RNF212: variants seen among roughly 807,000 people sequenced by gnomAD.
RNF212 encodes probable E3 SUMO-protein ligase RNF212.
A neutral mutation model predicts 34.7 loss-of-function variants in RNF212; 33 were observed. The observed-to-expected ratio is 0.95, with a 90% CI of 0.72 to 1.27. RNF212 has a LOEUF of 1.27. Among genes scored for constraint, RNF212 ranks in the 50% most tolerant of loss-of-function variants. The pLI is 0.00. For synonymous variants in RNF212, 140 were observed against 136.1 expected, an observed-to-expected ratio of 1.03 and a Z score of -0.20; for missense variants, 377 against 362.2, an observed-to-expected ratio of 1.04 and a Z score of -0.33.
At chr4:1,082,487 G>A (rs1010741322) in intron 5 of RNF212, among the ~76,000 whole-genome samples, 5 of 152,206 alleles carry the variant, frequency 3.3e-5, no homozygotes, top group African/African-American at 1.2e-4. Context: ...TTTGAGATAC[G>A]AACAGTCTGC....
intron 3 of RNF212, among the ~76,000 whole-genome samples, chr4:1,094,713 G>GA (rs1056604340): frequency 3.3e-5 from 5 of 152,168 alleles, no homozygotes; most frequent in African/African-American, 1.2e-4. Flanking sequence ...GTGACTGTCA[G>GA]GGAAGGACAG....
intron 8 of RNF212, among the ~76,000 whole-genome samples, chr4:1,075,637 C>A (rs1719174314): frequency 6.6e-6 from 1 of 152,224 alleles, no homozygotes; most frequent in Non-Finnish European, 1.5e-5. Flanking sequence ...CGGGCAGGGA[C>A]AAATATCTAA....
intron 5 of RNF212, among the ~76,000 whole-genome samples, chr4:1,082,842 C>T (rs987804575): frequency 6.6e-6 from 1 of 152,224 alleles, no homozygotes; most frequent in Non-Finnish European, 1.5e-5. Context: ...GTACCTGAGC[C>T]TTCTGCGTCT....
intron 3 of RNF212, among the ~76,000 whole-genome samples, chr4:1,092,221 C>T (rs1234973495): frequency 2.0e-5 from 3 of 152,200 alleles, no homozygotes; most frequent in Non-Finnish European, 1.5e-5. Context: ...CCTGGTCTGG[C>T]TGTTCTTAGA....
intron 2 of RNF212, chr4:1,100,300 A>G: frequency 4.5e-6 from 1 of 224,186 alleles, no homozygotes; most frequent in Non-Finnish European, 8.9e-6. Context: ...CATTCCAACA[A>G]CACTGAATTT....
At chr4:1,077,110 C>G (rs1553802391) in intron 8 of RNF212, among the ~76,000 whole-genome samples, 1 of 152,132 alleles carries the variant, frequency 6.6e-6, no homozygotes, top group Non-Finnish European at 1.5e-5. Flanking sequence ...TGCCTGTAGT[C>G]CCAGCTACTC....
At chr4:1,068,415 CTG>C (rs1414982256), downstream of RNF212, among the ~76,000 whole-genome samples, 1 of 152,198 alleles carries the variant, frequency 6.6e-6, no homozygotes. Flanking sequence ...GATTTTTCAG[CTG>C]TGTTTTTAGA....
At chr4:1,081,382 C>G in intron 7 of RNF212, 37 bp downstream of exon 7, 5 of 1,591,952 alleles carry the variant, frequency 3.1e-6, no homozygotes, top group Non-Finnish European at 4.3e-6. Context: ...TCGGAAAGAC[C>G]TGCAGGTCCT....
chr4:1,074,175 T>C (rs529037558), intron 8 of RNF212, among the ~76,000 whole-genome samples: 1 of 152,286 alleles, frequency 6.6e-6, no homozygotes, highest in East Asian at 1.9e-4. Context: ...CACAGGAACC[T>C]GTGAACCCAG....
At chr4:1,083,585 C>A (rs1720695671) in intron 5 of RNF212, among the ~76,000 whole-genome samples, 1 of 152,156 alleles carries the variant, frequency 6.6e-6, no homozygotes, top group Admixed American at 6.5e-5. Context: ...TTGAGGTGAG[C>A]TGAGATCGTG....
intron 3 of RNF212, among the ~76,000 whole-genome samples, chr4:1,095,623 G>C (rs1271203717): frequency 9.2e-5 from 7 of 76,262 alleles, no homozygotes; most frequent in South Asian, 4.9e-4. Flanking sequence ...ACAGAACCAA[G>C]CACACCCCCC....
At position 1,113,397 on chromosome 4, in the gene RNF212, G is replaced by A. The variant is rs375947137; in HGVS notation, c.68C>T (p.Thr23Ile). ...PPHRTSCFSL[T>I]NCGHVYCDAC... Reference sequence around the variant, plus strand: ...GTCGCAGTACACGTGCCCGCAGTTGGTGAGGCTGAAGCACGACGTCCTGTG... The same window carrying A: ...GTCGCAGTACACGTGCCCGCAGTTGATGAGGCTGAAGCACGACGTCCTGTG... The change falls in exon 1 of 10, where the codon ACC becomes ATC. Residue 23 changes from threonine (T) to isoleucine (I), a missense_variant. Coordinates refer to ENST00000433731, the MANE Select transcript of RNF212 (RefSeq NM_001131034.4). 4.4e-6 allele frequency: 7 copies of A among 1,604,414 alleles called. No individual in the cohort carries two copies. The highest frequency in any genetic ancestry group is 5.9e-6 in the Non-Finnish European group (7 of 1,176,826).
chr4:1,100,133 T>C (rs1362482969), intron 2 of RNF212: 13 of 334,782 alleles, frequency 3.9e-5, no homozygotes, highest in Non-Finnish European at 7.6e-5. Context: ...ACTAATTTCA[T>C]CTTCTTTTGC....
At chr4:1,083,557 G>C (rs1389258154) in intron 5 of RNF212, among the ~76,000 whole-genome samples, 1 of 152,156 alleles carries the variant, frequency 6.6e-6, no homozygotes, top group African/African-American at 2.4e-5. Context: ...ACAATCGCTT[G>C]AACCCGGCAG....
At chr4:1,080,353 G>C (rs917499422) in intron 7 of RNF212, among the ~76,000 whole-genome samples, 2 of 152,124 alleles carry the variant, frequency 1.3e-5, no homozygotes, top group Admixed American at 6.5e-5. Context: ...TTTGAAGACA[G>C]GTTTAACTTT....
At chr4:1,092,146 T>C (rs643043) in intron 3 of RNF212, among the ~76,000 whole-genome samples, 28,176 of 152,262 alleles carry the variant, frequency 0.19, 4,247 homozygotes, top group African/African-American at 0.42. Flanking sequence ...CGCCTCTGCT[T>C]CTCAGCTTCA....
At chr4:1,111,905 T>C (rs1560174830) in intron 1 of RNF212, among the ~76,000 whole-genome samples, 6 of 152,142 alleles carry the variant, frequency 3.9e-5, no homozygotes. Flanking sequence ...CACACAACAA[T>C]GAAAGTAGAT....
intron 2 of RNF212, among the ~76,000 whole-genome samples, chr4:1,106,987 T>C (rs763189959): frequency 5.3e-5 from 8 of 151,862 alleles, no homozygotes; most frequent in African/African-American, 4.8e-5. Context: ...GATAGGAAAA[T>C]ACTAAAATAT....
downstream of RNF212, among the ~76,000 whole-genome samples, chr4:1,067,533 T>C (rs1718167472): frequency 6.6e-6 from 1 of 151,912 alleles, no homozygotes; most frequent in African/African-American, 2.4e-5. Flanking sequence ...ATAACCAATA[T>C]AAAAATTAAA....
Sources: allele counts gnomAD v4.1 joint callset (sites outside exome capture counted in the v4.1 genomes callset), GRCh38; gene constraint gnomAD v4.1.1; transcripts MANE v1.5; gene names NCBI Gene and HGNC (gene_info 2026-07-23, HGNC 2026-07-21).